SUPT3H: variants seen among roughly 807,000 people sequenced by gnomAD.
The protein encoded by SUPT3H is transcription initiation protein SPT3 homolog.
In SUPT3H, 44 loss-of-function variants were observed where a neutral mutation model predicts 44.3. The ratio of observed to expected loss-of-function variants is 0.99; its 90% CI spans 0.78 to 1.28. The LOEUF (loss-of-function observed/expected upper bound fraction) is 1.28. Among genes scored for constraint, SUPT3H ranks in the 50% most tolerant of loss-of-function variants. The pLI, the probability that SUPT3H is intolerant of heterozygous loss-of-function variation, is 0.00. For synonymous variants in SUPT3H, 124 were observed against 125.6 expected, an observed-to-expected ratio of 0.99 and a Z score of 0.09; for missense variants, 380 against 387.1, an observed-to-expected ratio of 0.98 and a Z score of 0.15.
intron 10 of SUPT3H, among the ~76,000 whole-genome samples, chr6:44,831,347 C>T (rs1038401674): frequency 2.0e-5 from 3 of 152,124 alleles, no homozygotes; most frequent in Non-Finnish European, 1.5e-5. Flanking sequence ...AGAAAACATT[C>T]TAACAAGGAC....
chr6:45,255,436 T>TTC (rs1386780768), intron 2 of SUPT3H, among the ~76,000 whole-genome samples: 3 of 150,856 alleles, frequency 2.0e-5, no homozygotes, highest in African/African-American at 7.3e-5. Context: ...TTTTTTTTTT[T>TTC]TCAGTCAGGT....
chr6:45,003,018 C>T (rs1198711314), intron 6 of SUPT3H, among the ~76,000 whole-genome samples: 1 of 151,906 alleles, frequency 6.6e-6, no homozygotes, highest in East Asian at 1.9e-4. Context: ...CACTCAAATG[C>T]AATAAATCAT....
At chr6:45,140,745 C>G (rs932398496) in intron 2 of SUPT3H, among the ~76,000 whole-genome samples, 14 of 152,072 alleles carry the variant, frequency 9.2e-5, no homozygotes, top group African/African-American at 3.4e-4. Context: ...GCAGACATTC[C>G]CCAGCACCAG....
intron 1 of SUPT3H, among the ~76,000 whole-genome samples, chr6:45,367,806 GTT>G (rs904741644): frequency 1.3e-5 from 2 of 152,078 alleles, no homozygotes; most frequent in Non-Finnish European, 2.9e-5. Context: ...ACCAAACCTA[GTT>G]TATTATAACC....
chr6:44,866,458 A>AAT (rs750855869), intron 10 of SUPT3H, among the ~76,000 whole-genome samples: 36 of 150,740 alleles, frequency 2.4e-4, no homozygotes, highest in East Asian at 7.7e-4. Context: ...TCTCTTAGGT[A>AAT]ATATATATAT....
intron 2 of SUPT3H, among the ~76,000 whole-genome samples, chr6:45,281,938 G>A (rs1236461780): frequency 6.6e-6 from 1 of 152,168 alleles, no homozygotes; most frequent in Non-Finnish European, 1.5e-5. Context: ...ACCAATATCT[G>A]CTGTTCTGCA....
chr6:45,189,596 AT>A (rs1207049772), intron 2 of SUPT3H, among the ~76,000 whole-genome samples: 8 of 152,270 alleles, frequency 5.3e-5, no homozygotes, highest in Admixed American at 3.9e-4. Context: ...GTAAAGTAGG[AT>A]TTCTGTGTCA....
chr6:45,121,132 T>C (rs1801600674), intron 2 of SUPT3H, among the ~76,000 whole-genome samples: 1 of 152,168 alleles, frequency 6.6e-6, no homozygotes, highest in Non-Finnish European at 1.5e-5. Flanking sequence ...GAGAGTTTGA[T>C]AAACAGAAAA....
chr6:44,961,109 G>T (rs1775955878), intron 7 of SUPT3H, among the ~76,000 whole-genome samples: 1 of 151,876 alleles, frequency 6.6e-6, no homozygotes, highest in Admixed American at 6.6e-5. Context: ...CTGAAACTTT[G>T]CTGTAAGGAT....
intron 2 of SUPT3H, among the ~76,000 whole-genome samples, chr6:45,182,107 G>T (rs1584097499): frequency 6.6e-6 from 1 of 152,140 alleles, no homozygotes; most frequent in Non-Finnish European, 1.5e-5. Flanking sequence ...TGGAGCTGAT[G>T]TCTTCAAAAG....
chr6:45,079,304 C>T (rs1232142427), intron 3 of SUPT3H, among the ~76,000 whole-genome samples: 4 of 151,470 alleles, frequency 2.6e-5, no homozygotes, highest in Non-Finnish European at 5.9e-5. Context: ...AGTGAGACTC[C>T]ACAAAAGGCC....
chr6:44,824,986 T>C (rs1333831374), downstream of SUPT3H, among the ~76,000 whole-genome samples: 1 of 152,252 alleles, frequency 6.6e-6, no homozygotes, highest in Non-Finnish European at 1.5e-5. Flanking sequence ...TTGCCATATG[T>C]ACTTTTGTAT....
chr6:45,372,062 C>G (rs956952369), intron 1 of SUPT3H: 2 of 957,972 alleles, frequency 2.1e-6, no homozygotes, highest in South Asian at 4.8e-5. Flanking sequence ...AAAAGGCCTC[C>G]ACAATGTGTA....
intron 3 of SUPT3H, among the ~76,000 whole-genome samples, chr6:45,036,796 TA>T (rs1787739947): frequency 6.6e-6 from 1 of 151,754 alleles, no homozygotes; most frequent in Non-Finnish European, 1.5e-5. Flanking sequence ...CAAAATAAGG[TA>T]ATAAATCCAA....
chr6:44,891,419 T>C (rs1763296773), intron 10 of SUPT3H, among the ~76,000 whole-genome samples: 2 of 151,980 alleles, frequency 1.3e-5, no homozygotes, highest in Admixed American at 1.3e-4. Flanking sequence ...TATTCAACCA[T>C]AAAAGGGAAC....
At chr6:45,198,992 C>T (rs1012543312) in intron 2 of SUPT3H, among the ~76,000 whole-genome samples, 2 of 151,198 alleles carry the variant, frequency 1.3e-5, no homozygotes, top group African/African-American at 4.8e-5. Flanking sequence ...AATATCTGTG[C>T]TATTTTATAA....
Position 45,171,028 on chromosome 6 carries a change from G to A in SUPT3H, c.102-65022C>T, listed in dbSNP as rs1810682553. On this transcript the variant is annotated intron_variant, in intron 2 of 10. Transcript: ENST00000371459. The stretch of plus-strand genomic sequence containing the variant: ...TACAGGCAAGTCAAGTAAGCTCTCT[G>A]AGACAGTAACATTCCCTTATCATAT... 2.0e-5 allele frequency among the ~76,000 whole-genome samples: 3 copies of A among 152,152 alleles called. No homozygotes were observed. The South Asian group carries it at 6.2e-4, about 32-fold the overall frequency.
intron 5 of SUPT3H, among the ~76,000 whole-genome samples, chr6:45,010,775 C>T (rs192281863): frequency 6.6e-6 from 1 of 152,220 alleles, no homozygotes; most frequent in East Asian, 1.9e-4. Flanking sequence ...CCACAATTCT[C>T]ATCTCCAAAT....
At chr6:44,866,329 C>G (rs566166786) in intron 10 of SUPT3H, among the ~76,000 whole-genome samples, 1 of 151,926 alleles carries the variant, frequency 6.6e-6, no homozygotes, top group South Asian at 2.1e-4. Context: ...CTAAAAATGA[C>G]AAAAGCAAAC....
Sources: allele counts gnomAD v4.1 joint callset (sites outside exome capture counted in the v4.1 genomes callset), GRCh38; gene constraint gnomAD v4.1.1; transcripts MANE v1.5; gene names NCBI Gene and HGNC (gene_info 2026-07-23, HGNC 2026-07-21).